The following CDKL1 variants were observed in gnomAD, a reference collection of about 807,000 sequenced individuals.
The protein encoded by CDKL1 is cyclin-dependent kinase-like 1.
A neutral mutation model predicts 42.0 loss-of-function variants in CDKL1; 41 were observed. That is an observed-to-expected ratio of 0.98 (90% CI 0.76 to 1.27). The LOEUF is 1.27. Ranked by LOEUF, CDKL1 falls within the 50% of genes most tolerant of loss-of-function variation. The probability of loss-of-function intolerance (pLI) is 0.00; values close to 1 mark genes in which losing one functional copy is unlikely to be tolerated. For missense variants in CDKL1, 394 were observed against 428.4 expected (o/e 0.92, Z 0.71); for synonymous variants, 153 against 158.6 (o/e 0.96, Z 0.26).
At chr14:50,376,980 G>A (rs1469938045) in intron 2 of CDKL1, among the ~76,000 whole-genome samples, 2 of 152,172 alleles carry the variant, frequency 1.3e-5, no homozygotes, top group African/African-American at 4.8e-5. Flanking sequence ...AGGTCTTAAG[G>A]ATGTTTGGGA....
chr14:50,384,850 C>CACT (rs1424236850), intron 2 of CDKL1, among the ~76,000 whole-genome samples: 1 of 151,774 alleles, frequency 6.6e-6, no homozygotes, highest in Non-Finnish European at 1.5e-5. Context: ...GTGGGTGGAT[C>CACT]ACTTGAGGCC....
At chr14:50,379,080 G>A (rs934939846) in intron 2 of CDKL1, among the ~76,000 whole-genome samples, 1 of 152,138 alleles carries the variant, frequency 6.6e-6, no homozygotes, top group African/African-American at 2.4e-5. Context: ...ACAAACTCCT[G>A]ACCTCAAGTG....
chr14:50,363,052 C>G (rs930908627), intron 2 of CDKL1: 2 of 422,572 alleles, frequency 4.7e-6, no homozygotes, highest in Non-Finnish European at 1.0e-5. Context: ...GAGGAAAGAA[C>G]AACTCCAAAC....
rs1269640541 is a variant in CDKL1 at position 50,328,882 on chromosome 14, C to T, written c.*1192G>A. 1 of 150,366 alleles carries T rather than the reference C, an allele frequency of 6.7e-6. No homozygotes were observed. The highest frequency in any genetic ancestry group is 2.5e-5 in the African/African-American group (1 of 40,738). The allele number at this position is 150,366 out of a possible 1,614,324, so 9.3% of individuals were successfully genotyped here. Reference sequence around the variant, plus strand: ...TGGCACATGCCTGCAGTCCCAGCTACTTGGGAGGCTGAGGTGGCAGGTTTT... The same window carrying T: ...TGGCACATGCCTGCAGTCCCAGCTATTTGGGAGGCTGAGGTGGCAGGTTTT... On this transcript the variant is annotated 3_prime_UTR_variant, in exon 10 of 10. Coordinates refer to ENST00000395834, the MANE Select transcript of CDKL1 (RefSeq NM_004196.7).
chr14:50,392,663 A>C (rs1459920377), intron 2 of CDKL1, among the ~76,000 whole-genome samples: 1 of 151,834 alleles, frequency 6.6e-6, no homozygotes, highest in Non-Finnish European at 1.5e-5. Context: ...ACAGCTTTAA[A>C]TACCATCGAT....
chr14:50,381,931 C>T lies in CDKL1; in HGVS notation c.168+13770G>A, dbSNP rs371336085. 3.9e-5 allele frequency among the ~76,000 whole-genome samples: 6 copies of T among 152,216 alleles called. No individual in the cohort carries two copies. In the East Asian group the frequency reaches 1.2e-3, roughly 29 times the overall value. On this transcript the variant is annotated intron_variant, in intron 2 of 9. Coordinates refer to ENST00000395834, the MANE Select transcript of CDKL1 (RefSeq NM_004196.7). ...GGAATCACAGGAGTGAGCCACTGTG[C>T]CTGGCCAGTTTAGAAATTCTTAACC...
intron 2 of CDKL1, among the ~76,000 whole-genome samples, chr14:50,378,840 C>A (rs892043411): frequency 5.3e-5 from 8 of 151,670 alleles, no homozygotes; most frequent in Admixed American, 4.6e-4. Context: ...AGACACTGTG[C>A]CTGTCAAGAC....
Position 50,328,053 on chromosome 14 carries a change from C to T in CDKL1, c.*2021G>A, listed in dbSNP as rs929168361. The stretch of plus-strand genomic sequence containing the variant: ...CGGAACTCATTAGAAAAAAATAAGC[C>T]TTTTTTCTCAGGTTTGTTTCATTAC... On this transcript the variant is annotated 3_prime_UTR_variant, in exon 10 of 10. Coordinates refer to ENST00000395834, the MANE Select transcript of CDKL1 (RefSeq NM_004196.7). 1 of 151,856 alleles carries T rather than the reference C, an allele frequency of 6.6e-6. No individual in the cohort carries two copies. The highest frequency in any genetic ancestry group is 1.5e-5 in the Non-Finnish European group (1 of 67,946). The allele number at this position is 151,856 out of a possible 1,614,324, so 9.4% of individuals were successfully genotyped here. A position where few individuals can be genotyped will look rare whatever the true frequency, so the allele number is the denominator to read the frequency against.
intron 9 of CDKL1, 193 bp from the exon 10 acceptor site, chr14:50,330,374 A>C: frequency 1.7e-6 from 1 of 578,734 alleles, no homozygotes; most frequent in Non-Finnish European, 2.8e-6. Context: ...TTATATTAAA[A>C]AGGAAAAACA....
intron 5 of CDKL1, among the ~76,000 whole-genome samples, chr14:50,341,457 G>GGT (rs2033526552): frequency 6.9e-5 from 1 of 14,414 alleles, no homozygotes; most frequent in Non-Finnish European, 1.2e-4. Context: ...GGGAGGGTCT[G>GGT]GGGGGGGGGG....
chr14:50,343,652 C>T (rs752666212), intron 4 of CDKL1, among the ~76,000 whole-genome samples: 1 of 152,156 alleles, frequency 6.6e-6, no homozygotes, highest in African/African-American at 2.4e-5. Context: ...CACCCACCCC[C>T]ATCAGCACAT....
At chr14:50,359,245 G>T in intron 2 of CDKL1, 96 bp from the exon 3 acceptor site, 1 of 1,402,446 alleles carries the variant, frequency 7.1e-7, no homozygotes, top group Non-Finnish European at 9.7e-7. Context: ...TGTCCTTTAA[G>T]AATTTCATTC....
At chr14:50,351,105 G>T (rs957470473) in intron 3 of CDKL1, among the ~76,000 whole-genome samples, 11 of 152,064 alleles carry the variant, frequency 7.2e-5, no homozygotes, top group African/African-American at 2.7e-4. Context: ...GGTGTCATTT[G>T]AAATCCCTGG....
chr14:50,366,608 G>A (rs2034442482), intron 2 of CDKL1, among the ~76,000 whole-genome samples: 1 of 152,234 alleles, frequency 6.6e-6, no homozygotes. Context: ...TGGCTTGGAG[G>A]ACGCAAAATG....
At chr14:50,357,994 TG>T in intron 3 of CDKL1, 2 of 1,281,270 alleles carry the variant, frequency 1.6e-6, no homozygotes, top group African/African-American at 1.5e-5. Flanking sequence ...AGCTGAGGAG[TG>T]GGTGGGAGCT....
chr14:50,332,881 T>TAAAA, intron 8 of CDKL1: 2 of 428,938 alleles, frequency 4.7e-6, no homozygotes, highest in Non-Finnish European at 8.1e-6. Context: ...AGGTGTTCCC[T>TAAAA]TCACCCTTCT....
At chr14:50,354,182 T>C (rs983586113) in intron 3 of CDKL1, among the ~76,000 whole-genome samples, 1 of 152,198 alleles carries the variant, frequency 6.6e-6, no homozygotes, top group African/African-American at 2.4e-5. Context: ...CTTGAACTCC[T>C]GACCTTAAGT....
intron 5 of CDKL1, among the ~76,000 whole-genome samples, chr14:50,341,453 GT>G (rs1388209661): frequency 2.8e-5 from 3 of 106,424 alleles, no homozygotes; most frequent in African/African-American, 1.6e-4. Context: ...CCTGGGGAGG[GT>G]CTGGGGGGGG....
At chr14:50,397,113 C>CA, upstream of CDKL1, 1 of 1,363,118 alleles carries the variant, frequency 7.3e-7, no homozygotes, top group Non-Finnish European at 9.8e-7. Context: ...CAAACTTCCG[C>CA]AGGCCGTGCA....
Sources: gnomAD v4.1 joint callset for allele counts (sites outside exome capture counted in the v4.1 genomes callset) on GRCh38, gnomAD v4.1.1 for gene constraint, MANE v1.5 for transcripts, NCBI Gene and HGNC (gene_info 2026-07-23, HGNC 2026-07-21) for gene names.